KIAA1328: variants seen among roughly 807,000 people sequenced by gnomAD.
The protein encoded by KIAA1328 is KIAA1328.
Under a neutral mutation model 68.1 loss-of-function variants are expected in KIAA1328, and 52 were observed. That is an observed-to-expected ratio of 0.76 (90% CI 0.61 to 0.96). KIAA1328 has a LOEUF of 0.96. Ranked by LOEUF, KIAA1328 falls within the 40% of genes least tolerant of loss-of-function variation. KIAA1328 has a pLI of 0.00. For missense variants in KIAA1328, 641 were observed against 677.6 expected (o/e 0.95, Z 0.60); for synonymous variants, 232 against 239.4 (o/e 0.97, Z 0.28).
intron 6 of KIAA1328, among the ~76,000 whole-genome samples, chr18:37,023,333 GC>G (rs745363633): frequency 2.0e-4 from 30 of 152,068 alleles, no homozygotes; most frequent in Admixed American, 1.3e-3. Flanking sequence ...TCCCACCTCA[GC>G]CCCCCAAGTA....
rs1016736683 is a variant in KIAA1328, at chr18:37,225,322, G to A, written c.*3095G>A. 2.0e-6 allele frequency: 2 copies of A among 984,980 alleles called. No homozygotes were observed. The highest frequency in any genetic ancestry group is 4.7e-5 in the South Asian group (1 of 21,278). The allele number at this position is 984,980 out of a possible 1,614,324, so 61.0% of individuals were successfully genotyped here. On this transcript the variant is annotated 3_prime_UTR_variant, in exon 10 of 10. Coordinates refer to ENST00000280020, the MANE Select transcript of KIAA1328 (RefSeq NM_020776.3). ...TTCAAGTTAATAAATCATCTCTATG[G>A]CTATTTTCCCCATGTGGGTTTGATA... is the stretch of plus-strand genomic sequence containing the variant.
intron 1 of KIAA1328, chr18:36,829,445 C>T (rs2046381602): frequency 4.6e-6 from 6 of 1,302,512 alleles, no homozygotes; most frequent in Non-Finnish European, 5.8e-6. Flanking sequence ...TACCGGTGAG[C>T]TCGAGAAAGA....
At chr18:37,080,416 C>A (rs1259040987) in intron 7 of KIAA1328, among the ~76,000 whole-genome samples, 2 of 152,158 alleles carry the variant, frequency 1.3e-5, no homozygotes, top group Non-Finnish European at 2.9e-5. Context: ...TCTTGGTTAG[C>A]CTTTGTGAAG....
chr18:36,832,046 T>C (rs533882947), intron 1 of KIAA1328, among the ~76,000 whole-genome samples: 1 of 152,222 alleles, frequency 6.6e-6, no homozygotes, highest in Non-Finnish European at 1.5e-5. Flanking sequence ...GACCCACTAG[T>C]AGGCCCACTA....
At chr18:37,151,748 C>T (rs1050339107) in intron 7 of KIAA1328, among the ~76,000 whole-genome samples, 1 of 152,058 alleles carries the variant, frequency 6.6e-6, no homozygotes, top group African/African-American at 2.4e-5. Flanking sequence ...AACCTTGATC[C>T]CTACCTCACA....
At chr18:37,007,128 T>C (rs747172154) in intron 6 of KIAA1328, among the ~76,000 whole-genome samples, 17 of 152,192 alleles carry the variant, frequency 1.1e-4, no homozygotes, top group Non-Finnish European at 1.8e-4. Context: ...CCATCTGGCA[T>C]GCCATTGAAT....
chr18:37,195,122 T>C (rs2059978895), intron 9 of KIAA1328, among the ~76,000 whole-genome samples: 1 of 152,298 alleles, frequency 6.6e-6, no homozygotes, highest in Non-Finnish European at 1.5e-5. Flanking sequence ...TTCCCAATTC[T>C]TTTCTTCTAG....
intron 5 of KIAA1328, among the ~76,000 whole-genome samples, chr18:36,935,362 A>G (rs1227624354): frequency 2.0e-5 from 3 of 152,224 alleles, no homozygotes; most frequent in African/African-American, 7.2e-5. Context: ...ATAAAACAGC[A>G]TATTTAGACC....
intron 9 of KIAA1328, among the ~76,000 whole-genome samples, chr18:37,194,818 G>A (rs994600204): frequency 1.3e-4 from 20 of 151,932 alleles, no homozygotes; most frequent in Non-Finnish European, 1.9e-4. Flanking sequence ...GCACCACCAC[G>A]CCCAGCTAAT....
At chr18:37,014,111 T>G (rs529991592) in intron 6 of KIAA1328, among the ~76,000 whole-genome samples, 1 of 152,378 alleles carries the variant, frequency 6.6e-6, no homozygotes, top group South Asian at 2.1e-4. Flanking sequence ...TGATGTGAAT[T>G]TTTTATGTTT....
intron 3 of KIAA1328, among the ~76,000 whole-genome samples, chr18:36,841,043 A>T (rs971473270): frequency 5.9e-5 from 9 of 152,074 alleles, no homozygotes; most frequent in Admixed American, 5.9e-4. Context: ...GCAATCTGAG[A>T]TAAGTGTCCT....
intron 7 of KIAA1328, among the ~76,000 whole-genome samples, chr18:37,113,256 G>A (rs1218559674): frequency 6.6e-6 from 1 of 152,150 alleles, no homozygotes; most frequent in East Asian, 1.9e-4. Context: ...GGCAGCCACA[G>A]AGAAAGGTCA....
intron 5 of KIAA1328, chr18:36,895,706 C>A: frequency 6.6e-6 from 3 of 454,688 alleles, no homozygotes; most frequent in Non-Finnish European, 1.3e-5. Context: ...TGTGTCCCTT[C>A]AAAATTCATA....
intron 7 of KIAA1328, among the ~76,000 whole-genome samples, chr18:37,139,202 A>G (rs554506884): frequency 3.3e-5 from 5 of 151,946 alleles, no homozygotes; most frequent in Non-Finnish European, 5.9e-5. Context: ...TGACCTCGTG[A>G]TCTGCCCGCC....
At chr18:37,153,736 A>G (rs2059092470) in intron 7 of KIAA1328, among the ~76,000 whole-genome samples, 1 of 142,046 alleles carries the variant, frequency 7.0e-6, no homozygotes, top group Non-Finnish European at 1.5e-5. Context: ...TTGTTTAGGT[A>G]TGATATGGCC....
intron 7 of KIAA1328, among the ~76,000 whole-genome samples, chr18:37,099,517 G>C (rs1229052273): frequency 6.6e-6 from 1 of 152,154 alleles, no homozygotes; most frequent in Non-Finnish European, 1.5e-5. Context: ...TTTTGTAATA[G>C]GTGTGGTGTG....
chr18:37,078,114 C>A (rs1409228260), intron 7 of KIAA1328, among the ~76,000 whole-genome samples: 1 of 152,214 alleles, frequency 6.6e-6, no homozygotes, highest in East Asian at 1.9e-4. Flanking sequence ...CAGCATGGTA[C>A]TGGTACCAAA....
intron 3 of KIAA1328, among the ~76,000 whole-genome samples, chr18:36,835,615 C>G (rs2046648123): frequency 6.6e-6 from 1 of 152,148 alleles, no homozygotes; most frequent in East Asian, 1.9e-4. Flanking sequence ...AATGTATTAT[C>G]TTGATATGTC....
At chr18:36,930,475 C>T (rs1568177905) in intron 5 of KIAA1328, among the ~76,000 whole-genome samples, 1 of 152,080 alleles carries the variant, frequency 6.6e-6, no homozygotes, top group Non-Finnish European at 1.5e-5. Context: ...CTTCTTATGA[C>T]ATATTTTTAT....
Sources: allele counts gnomAD v4.1 joint callset (sites outside exome capture counted in the v4.1 genomes callset), GRCh38; gene constraint gnomAD v4.1.1; transcripts MANE v1.5; gene names NCBI Gene and HGNC (gene_info 2026-07-23, HGNC 2026-07-21).